TMC1: variants seen among roughly 807,000 people sequenced by gnomAD.
TMC1 encodes the protein transmembrane channel like 1.
A neutral mutation model predicts 105.8 loss-of-function variants in TMC1; 84 were observed. The ratio of observed to expected loss-of-function variants is 0.79; its 90% CI spans 0.67 to 0.95. The LOEUF is 0.95. Ranked by LOEUF, TMC1 falls within the 40% of genes least tolerant of loss-of-function variation. The pLI, the probability that TMC1 is intolerant of heterozygous loss-of-function variation, is 0.00. For synonymous variants in TMC1, 315 were observed against 311.5 expected (o/e 1.01, Z -0.12); for missense variants, 817 against 914.1 (o/e 0.89, Z 1.37).
intron 8 of TMC1, among the ~76,000 whole-genome samples, chr9:72,714,866 T>C (rs1008614405): frequency 1.3e-5 from 2 of 152,210 alleles, no homozygotes; most frequent in African/African-American, 4.8e-5. Context: ...GCGTTGATGG[T>C]CTTTACAATT....
intron 15 of TMC1, 135 bp from the exon 16 acceptor site, chr9:72,791,751 A>G (rs914419476): frequency 1.3e-5 from 10 of 764,640 alleles, no homozygotes; most frequent in Non-Finnish European, 2.1e-5. Flanking sequence ...CAAATTCTAA[A>G]CGTGCATAAA....
At chr9:72,563,735 C>G (rs1410662029) in intron 1 of TMC1, among the ~76,000 whole-genome samples, 2 of 151,396 alleles carry the variant, frequency 1.3e-5, no homozygotes, top group African/African-American at 4.9e-5. Flanking sequence ...CCCATCTCTA[C>G]TAAAAATAAA....
At chr9:72,730,929 C>T (rs1036533665) in intron 8 of TMC1, among the ~76,000 whole-genome samples, 1 of 152,210 alleles carries the variant, frequency 6.6e-6, no homozygotes, top group East Asian at 1.9e-4. Flanking sequence ...AGGAGGAGCT[C>T]AGGTGGTAAT....
intron 13 of TMC1, among the ~76,000 whole-genome samples, chr9:72,778,471 AT>A (rs1203376311): frequency 6.6e-6 from 1 of 152,152 alleles, no homozygotes; most frequent in Admixed American, 6.5e-5. Flanking sequence ...GACCTCCATA[AT>A]TCTAGCTGCA....
chr9:72,727,424 A>G (rs1827141603), intron 8 of TMC1, among the ~76,000 whole-genome samples: 1 of 152,200 alleles, frequency 6.6e-6, no homozygotes, highest in African/African-American at 2.4e-5. Context: ...AAAGAAAAAA[A>G]AGACTAAGTA....
At chr9:72,774,967 CTG>C (rs1827984135) in intron 13 of TMC1, among the ~76,000 whole-genome samples, 1 of 152,180 alleles carries the variant, frequency 6.6e-6, no homozygotes, top group African/African-American at 2.4e-5. Flanking sequence ...GATTTTTTCA[CTG>C]TACTCATTCT....
intron 12 of TMC1, among the ~76,000 whole-genome samples, chr9:72,761,023 T>C (rs1027171495): frequency 6.6e-6 from 1 of 152,236 alleles, no homozygotes; most frequent in African/African-American, 2.4e-5. Context: ...GAATTTACCA[T>C]TTATGAAACA....
intron 4 of TMC1, among the ~76,000 whole-genome samples, chr9:72,637,267 T>G (rs936888195): frequency 6.6e-6 from 1 of 151,708 alleles, no homozygotes; most frequent in African/African-American, 2.4e-5. Context: ...AGTTATCTAG[T>G]ATAGAGAAGT....
At chr9:72,736,739 A>G (rs1356772194) in intron 8 of TMC1, among the ~76,000 whole-genome samples, 1 of 152,172 alleles carries the variant, frequency 6.6e-6, no homozygotes, top group Non-Finnish European at 1.5e-5. Context: ...AAAATTCTTG[A>G]TGCCAAATAA....
In TMC1 at chr9:72,788,409, ACCAGCT is replaced by A. The variant is rs1554727769; in HGVS notation, c.956_961del (p.Thr319_Trp321delinsArg). ...TTTCAATTTCAGCTGGAAGGTCTTT[ACCAGCT>A]GGGACTACCTGATCGGCAATCCTGA... On this transcript the variant is annotated inframe_deletion, in exon 14 of 24. Coordinates refer to ENST00000297784, the MANE Select transcript of TMC1 (RefSeq NM_138691.3). The A allele has an allele frequency of 2.5e-6, 4 of 1,613,756 alleles. No individual in the cohort carries two copies. Among genetic ancestry groups the A allele is most frequent in the Non-Finnish European group, 3.4e-6 (4 of 1,179,800 alleles).
intron 19 of TMC1, chr9:72,817,255 G>A (rs889263612): frequency 2.0e-5 from 3 of 152,120 alleles, no homozygotes; most frequent in African/African-American, 7.2e-5. Context: ...ATATGGAAAA[G>A]ATATTATAAA....
intron 4 of TMC1, among the ~76,000 whole-genome samples, chr9:72,630,129 G>A (rs1825424351): frequency 6.6e-6 from 1 of 152,124 alleles, no homozygotes; most frequent in East Asian, 1.9e-4. Flanking sequence ...GCCTCCCAAA[G>A]TGCTGAGATT....
At chr9:72,590,940 T>A (rs1469844822) in intron 2 of TMC1, among the ~76,000 whole-genome samples, 1 of 152,212 alleles carries the variant, frequency 6.6e-6, no homozygotes, top group South Asian at 2.1e-4. Flanking sequence ...AAGGCTTTCC[T>A]GGGGAAGGGA....
intron 5 of TMC1, among the ~76,000 whole-genome samples, chr9:72,676,444 C>T (rs1164622471): frequency 6.6e-6 from 1 of 152,074 alleles, no homozygotes; most frequent in African/African-American, 2.4e-5. Context: ...TGTTCTGTAC[C>T]AGGCACTGTA....
intron 12 of TMC1, among the ~76,000 whole-genome samples, chr9:72,766,416 C>CAAA (rs397894474): frequency 1.5e-5 from 1 of 68,634 alleles, no homozygotes; most frequent in African/African-American, 5.2e-5. Flanking sequence ...GACTCTGTCT[C>CAAA]AAAAAAAAAA....
At chr9:72,752,143 G>A (rs1457959871) in intron 11 of TMC1, among the ~76,000 whole-genome samples, 187 bp downstream of exon 11, 2 of 152,026 alleles carry the variant, frequency 1.3e-5, no homozygotes, top group East Asian at 3.9e-4. Flanking sequence ...CACTAAAGGG[G>A]GTGTAAGCCT....
intron 5 of TMC1, among the ~76,000 whole-genome samples, chr9:72,675,148 G>A (rs996783000): frequency 6.6e-6 from 1 of 152,052 alleles, no homozygotes; most frequent in Non-Finnish European, 1.5e-5. Flanking sequence ...CATGAGACAG[G>A]ATGTGAAGCT....
chr9:72,815,837 A>G (rs1828778401), intron 18 of TMC1, among the ~76,000 whole-genome samples: 1 of 152,198 alleles, frequency 6.6e-6, no homozygotes, highest in East Asian at 1.9e-4. Flanking sequence ...TTTAATATGT[A>G]CTGTCAAATT....
At chr9:72,576,996 A>G (rs1824393306) in intron 1 of TMC1, among the ~76,000 whole-genome samples, 1 of 151,588 alleles carries the variant, frequency 6.6e-6, no homozygotes, top group African/African-American at 2.4e-5. Flanking sequence ...ATTCTGCAAT[A>G]TGGCCAACTG....
Sources: gnomAD v4.1 joint callset for allele counts (sites outside exome capture counted in the v4.1 genomes callset) on GRCh38, gnomAD v4.1.1 for gene constraint, MANE v1.5 for transcripts, NCBI Gene and HGNC (gene_info 2026-07-23, HGNC 2026-07-21) for gene names.